The following XPO7 variants were observed in gnomAD, a reference collection of about 807,000 sequenced individuals.
XPO7 encodes exportin 7.
A neutral mutation model predicts 144.3 loss-of-function variants in XPO7; 21 were observed. The ratio of observed to expected loss-of-function variants is 0.15; its 90% CI spans 0.10 to 0.21. XPO7 has a LOEUF of 0.21. Among genes scored for constraint, XPO7 ranks in the 10% least tolerant of loss-of-function variants. The pLI, the probability that XPO7 is intolerant of heterozygous loss-of-function variation, is 1.00. For missense variants in XPO7, 808 were observed against 1,325.8 expected (o/e 0.61, Z 6.06); for synonymous variants, 580 against 499.6 (o/e 1.16, Z -2.15).
At chr8:21,966,201 A>G in intron 1 of XPO7, 1 of 735,052 alleles carries the variant, frequency 1.4e-6, no homozygotes, top group Non-Finnish European at 2.5e-6. Flanking sequence ...AGCATATGCT[A>G]GGGTTGAATT....
intron 1 of XPO7, among the ~76,000 whole-genome samples, chr8:21,957,458 C>G (rs775136368): frequency 7.9e-5 from 12 of 152,128 alleles, no homozygotes; most frequent in Non-Finnish European, 1.6e-4. Flanking sequence ...ATTTGGCTTT[C>G]TTAGTTCATT....
intron 20 of XPO7, among the ~76,000 whole-genome samples, chr8:21,995,032 C>T (rs948842025): frequency 4.6e-5 from 7 of 151,100 alleles, no homozygotes; most frequent in East Asian, 1.9e-4. Context: ...CCAGCCTGGG[C>T]GACAGAGCGA....
chr8:22,004,446 T>TTG (rs1160625420), intron 27 of XPO7, among the ~76,000 whole-genome samples: 1 of 152,222 alleles, frequency 6.6e-6, no homozygotes, highest in Non-Finnish European at 1.5e-5. Flanking sequence ...CCTAGGGACT[T>TTG]TCCAGTAACT....
rs1282244590 is a variant in XPO7 at position 22,002,549 on chromosome 8, C to CT, written c.2943+280dup. On this transcript the variant is annotated intron_variant, in intron 25 of 27. Coordinates refer to ENST00000252512, the MANE Select transcript of XPO7 (RefSeq NM_015024.5). ...CACTATCCTCTTTCTGTGAAAATTA[C>CT]TTTGCTCACCCACTGCTATAAATAG... Among the ~76,000 whole-genome samples the CT allele has an allele frequency of 3.3e-5, 5 of 152,170 alleles. No homozygotes were observed. In the East Asian group the frequency reaches 9.6e-4, roughly 29 times the overall value.
At chr8:21,971,731 G>A (rs1812068181) in intron 4 of XPO7, 145 bp from the exon 5 acceptor site, 2 of 522,680 alleles carry the variant, frequency 3.8e-6, no homozygotes, top group East Asian at 3.0e-5. Context: ...CAAAACAACA[G>A]TTTTAAACTA....
chr8:21,971,790 C>T, intron 4 of XPO7, 86 bp from the exon 5 acceptor site: 1 of 1,034,478 alleles, frequency 9.7e-7, no homozygotes, highest in Non-Finnish European at 1.4e-6. Flanking sequence ...ACACAGGAAC[C>T]CGTCATTCGA....
intron 21 of XPO7, among the ~76,000 whole-genome samples, chr8:21,998,441 A>C (rs1397103179): frequency 6.6e-6 from 1 of 152,044 alleles, no homozygotes; most frequent in Non-Finnish European, 1.5e-5. Flanking sequence ...ACTCCATCTC[A>C]AAAAAAAGAA....
At position 21,957,527 on chromosome 8, in the gene XPO7, C is replaced by A. The variant is rs533211559; in HGVS notation, c.19-9330C>A. 1.2e-4 allele frequency among the ~76,000 whole-genome samples: 19 copies of A among 152,200 alleles called. No homozygotes were observed. In the East Asian group the frequency reaches 2.7e-3, roughly 22 times the overall value. On this transcript the variant is annotated intron_variant, in intron 1 of 27. Transcript: ENST00000252512. ...AAATTATGTTGCTGTTGTCCTCTTT[C>A]CTGTCTTCCCTATCTATCCTTGTGG...
Position 22,003,324 on chromosome 8 carries a change from G to C in XPO7, c.3042+7G>C. ...GATATTGCTTAATGAAAAGGTGAGA[G>C]AGCCAGCTCCCTGGTGCCAACCCAG... On this transcript the variant is annotated splice_region_variant and intron_variant, in intron 26 of 27. Transcript: ENST00000252512. 1.2e-6 allele frequency: 2 copies of C among 1,603,236 alleles called. No individual in the cohort carries two copies. Among genetic ancestry groups the C allele is most frequent in the South Asian group, 1.1e-5 (1 of 88,748 alleles).
intron 1 of XPO7, among the ~76,000 whole-genome samples, chr8:21,926,019 C>A (rs1409556318): frequency 1.3e-5 from 2 of 152,020 alleles, no homozygotes; most frequent in Admixed American, 1.3e-4. Flanking sequence ...GGACAATAAG[C>A]AGTGAAAGAT....
chr8:21,996,139 T>G (rs571044241), intron 21 of XPO7, among the ~76,000 whole-genome samples: 1 of 152,232 alleles, frequency 6.6e-6, no homozygotes, highest in South Asian at 2.1e-4. Context: ...AAAAAGAGTC[T>G]CCAGTGGGGC....
At chr8:21,936,592 G>T (rs1810829887) in intron 1 of XPO7, among the ~76,000 whole-genome samples, 1 of 152,070 alleles carries the variant, frequency 6.6e-6, no homozygotes, top group Non-Finnish European at 1.5e-5. Flanking sequence ...ATCACCTGTT[G>T]CCCACAATAA....
chr8:21,957,499 C>T lies in XPO7; in HGVS notation c.19-9358C>T, dbSNP rs570917535. Among the ~76,000 whole-genome samples, 7 of 152,126 alleles carry T rather than the reference C, an allele frequency of 4.6e-5. No individual in the cohort carries two copies. In the East Asian group the frequency reaches 1.4e-3, roughly 29 times the overall value. On this transcript the variant is annotated intron_variant, in intron 1 of 27. Coordinates refer to ENST00000252512, the MANE Select transcript of XPO7 (RefSeq NM_015024.5). ...CAGTTACCATTGATTTTTCTGTATC[C>T]CAAAATTATGTTGCTGTTGTCCTCT...
chr8:21,966,841 G>A lies in XPO7; in HGVS notation c.19-16G>A. On this transcript the variant is annotated splice_polypyrimidine_tract_variant and intron_variant, in intron 1 of 27. Coordinates refer to ENST00000252512, the MANE Select transcript of XPO7 (RefSeq NM_015024.5). The stretch of plus-strand genomic sequence containing the variant: ...AGTAGGCTGAACTGTTTTCTTTCCT[G>A]ACTGATCTTTTCCAGAGCCTGGCCC... 1 of 1,606,316 alleles carries A rather than the reference G, an allele frequency of 6.2e-7. No homozygotes were observed. The highest frequency in any genetic ancestry group is 8.5e-7 in the Non-Finnish European group (1 of 1,175,242).
At chr8:21,956,967 A>C (rs1811556825) in intron 1 of XPO7, among the ~76,000 whole-genome samples, 1 of 152,244 alleles carries the variant, frequency 6.6e-6, no homozygotes, top group African/African-American at 2.4e-5. Context: ...AAGATAATAC[A>C]GAGTTGACTG....
At chr8:21,934,533 CAA>C (rs1036419039) in intron 1 of XPO7, among the ~76,000 whole-genome samples, 1 of 132,068 alleles carries the variant, frequency 7.6e-6, no homozygotes, top group Admixed American at 7.6e-5. Flanking sequence ...AACTCCGTCT[CAA>C]AAAAAAAAAA....
chr8:21,940,258 A>C (rs1810947799), intron 1 of XPO7, among the ~76,000 whole-genome samples: 1 of 152,234 alleles, frequency 6.6e-6, no homozygotes, highest in African/African-American at 2.4e-5. Flanking sequence ...AAAGAATCAA[A>C]TATTTACCCT....
intron 1 of XPO7, among the ~76,000 whole-genome samples, chr8:21,941,856 C>CGTT (rs753966882): frequency 6.6e-6 from 1 of 152,036 alleles, no homozygotes; most frequent in Non-Finnish European, 1.5e-5. Flanking sequence ...TTTAAATTTT[C>CGTT]GTTGTTGTTG....
At chr8:21,958,961 CAAAA>C (rs34867010) in intron 1 of XPO7, among the ~76,000 whole-genome samples, 26 of 123,048 alleles carry the variant, frequency 2.1e-4, no homozygotes, top group East Asian at 2.4e-4. Context: ...ACTCTGTCTC[CAAAA>C]AAAAAAAAAA....
Sources: allele counts gnomAD v4.1 joint callset (sites outside exome capture counted in the v4.1 genomes callset), GRCh38; gene constraint gnomAD v4.1.1; transcripts MANE v1.5; gene names NCBI Gene and HGNC (gene_info 2026-07-23, HGNC 2026-07-21).